Variants in HDAC9 observed in about 807,000 individuals in gnomAD.
HDAC9 encodes MEF-2 interacting transcription repressor (MITR) protein.
HDAC9 carries 41 observed loss-of-function variants against 139.4 expected under a neutral mutation model. The ratio of observed to expected loss-of-function variants is 0.29; its 90% confidence interval spans 0.23 to 0.38. HDAC9 has a LOEUF of 0.38. Among genes scored for constraint, HDAC9 ranks in the 10% least tolerant of loss-of-function variants. The pLI is 1.00. For synonymous variants in HDAC9, 517 were observed against 476.2 expected (o/e 1.09, Z -1.12); for missense variants, 1,147 against 1,297.0 (o/e 0.88, Z 1.78).
chr7:18,495,484 C>T (rs1463871912), upstream of HDAC9, among the ~76,000 whole-genome samples: 1 of 151,902 alleles, frequency 6.6e-6, no homozygotes, highest in East Asian at 1.9e-4. Context: ...AAGCAAGCTT[C>T]GAGAGAGGAA....
At chr7:18,349,515 C>T (rs1782691133) in intron 1 of HDAC9, among the ~76,000 whole-genome samples, 1 of 152,046 alleles carries the variant, frequency 6.6e-6, no homozygotes, top group South Asian at 2.1e-4. Flanking sequence ...TCTGCTTTAT[C>T]CCCACTGCCT....
intron 2 of HDAC9, among the ~76,000 whole-genome samples, chr7:18,538,860 A>G (rs1166999180): frequency 2.0e-5 from 3 of 152,144 alleles, no homozygotes; most frequent in Non-Finnish European, 2.9e-5. Context: ...AAAAAGAAAT[A>G]TATTTCTTAC....
At chr7:18,330,639 T>A (rs1332719552) in intron 1 of HDAC9, among the ~76,000 whole-genome samples, 1 of 151,430 alleles carries the variant, frequency 6.6e-6, no homozygotes, top group Non-Finnish European at 1.5e-5. Context: ...CTCTACTCCC[T>A]CCCTGTTTTC....
At chr7:18,088,820 T>G (rs1781960274) in intron 1 of HDAC9, among the ~76,000 whole-genome samples, 1 of 152,236 alleles carries the variant, frequency 6.6e-6, no homozygotes, top group Admixed American at 6.5e-5. Flanking sequence ...GGAAACCATT[T>G]ATGTTTAAAA....
chr7:18,864,827 G>A (rs991528692), intron 21 of HDAC9, among the ~76,000 whole-genome samples: 12 of 151,280 alleles, frequency 7.9e-5, no homozygotes, highest in African/African-American at 2.0e-4. Context: ...GAGTTGGAAC[G>A]GTGGTGATGG....
intron 1 of HDAC9, among the ~76,000 whole-genome samples, chr7:18,132,266 G>T (rs751230471): frequency 2.0e-5 from 3 of 152,088 alleles, no homozygotes; most frequent in Non-Finnish European, 4.4e-5. Context: ...ACTAACTACA[G>T]AAGTCAAATG....
intron 1 of HDAC9, among the ~76,000 whole-genome samples, chr7:18,346,328 A>T (rs1440851298): frequency 6.6e-6 from 1 of 152,178 alleles, no homozygotes; most frequent in African/African-American, 2.4e-5. Context: ...GTGCTTTGAA[A>T]CAAGGGTCAC....
At chr7:18,149,266 T>C (rs1000548844) in intron 1 of HDAC9, among the ~76,000 whole-genome samples, 6 of 151,672 alleles carry the variant, frequency 4.0e-5, no homozygotes, top group Non-Finnish European at 8.8e-5. Context: ...TACTCGTTTA[T>C]ACATAAGAAA....
At chr7:18,286,122 A>G (rs1040160087), upstream of HDAC9, among the ~76,000 whole-genome samples, 6 of 152,130 alleles carry the variant, frequency 3.9e-5, no homozygotes, top group African/African-American at 1.4e-4. Flanking sequence ...ATTCTGCAGA[A>G]TTGAAATGAA....
chr7:18,656,643 A>G (rs1791289884), intron 11 of HDAC9, among the ~76,000 whole-genome samples: 1 of 152,190 alleles, frequency 6.6e-6, no homozygotes, highest in Non-Finnish European at 1.5e-5. Flanking sequence ...ATGAGAGAAC[A>G]TATCTGAAAA....
chr7:18,608,421 A>G lies in HDAC9; in HGVS notation c.664+14392A>G, dbSNP rs1444250506. Among the ~76,000 whole-genome samples the G allele has an allele frequency of 2.0e-5, 3 of 152,066 alleles. No individual in the cohort carries two copies. The East Asian group carries it at 5.8e-4, about 29-fold the overall frequency. On this transcript the variant is annotated intron_variant, in intron 6 of 25. Coordinates refer to ENST00000686413, the MANE Select transcript of HDAC9 (RefSeq NM_178425.4). ...TTTATGTGTATCAGCCTCCTGTTTT[A>G]TAGATTTATTTGCTTTTTAGCCTCT...
At chr7:18,156,254 T>A (rs1423962609) in intron 1 of HDAC9, among the ~76,000 whole-genome samples, 1 of 152,174 alleles carries the variant, frequency 6.6e-6, no homozygotes, top group Non-Finnish European at 1.5e-5. Flanking sequence ...ATCCTTTCAA[T>A]GAGCTAAGAA....
chr7:18,247,911 C>G (rs1416408949), intron 2 of HDAC9, among the ~76,000 whole-genome samples: 1 of 152,122 alleles, frequency 6.6e-6, no homozygotes, highest in East Asian at 1.9e-4. Context: ...CTGTAAAGGT[C>G]TTATTTATGT....
intron 12 of HDAC9, among the ~76,000 whole-genome samples, chr7:18,674,308 C>T (rs944948242): frequency 6.6e-6 from 1 of 151,964 alleles, no homozygotes; most frequent in Admixed American, 6.6e-5. Context: ...TACCATTTTC[C>T]CATTTTCTGT....
intron 2 of HDAC9, among the ~76,000 whole-genome samples, chr7:18,581,847 T>C (rs1350366667): frequency 1.3e-5 from 2 of 152,220 alleles, no homozygotes; most frequent in African/African-American, 4.8e-5. Context: ...TCTGAACTTG[T>C]CATGATTAAT....
intron 6 of HDAC9, among the ~76,000 whole-genome samples, chr7:18,606,690 A>G (rs560355248): frequency 1.2e-3 from 178 of 152,312 alleles, no homozygotes; most frequent in African/African-American, 4.2e-3. Flanking sequence ...ACTCACTTTT[A>G]AAGTAATATT....
At chr7:18,284,456 C>A (rs966112298) in intron 2 of HDAC9, among the ~76,000 whole-genome samples, 1 of 152,106 alleles carries the variant, frequency 6.6e-6, no homozygotes, top group African/African-American at 2.4e-5. Flanking sequence ...TTTCCATTAT[C>A]TCCTATTTCA....
intron 1 of HDAC9, among the ~76,000 whole-genome samples, chr7:18,306,784 A>T (rs764376154): frequency 6.6e-6 from 1 of 152,154 alleles, no homozygotes; most frequent in Non-Finnish European, 1.5e-5. Context: ...ATATTGCTGA[A>T]TATAAATTCT....
chr7:18,097,791 G>T (rs986739985), intron 1 of HDAC9, among the ~76,000 whole-genome samples: 1 of 151,964 alleles, frequency 6.6e-6, no homozygotes, highest in Non-Finnish European at 1.5e-5. Context: ...TGACCAGGCT[G>T]GTCTTGAACT....
Sources: gnomAD v4.1 joint callset for allele counts (sites outside exome capture counted in the v4.1 genomes callset) on GRCh38, gnomAD v4.1.1 for gene constraint, MANE v1.5 for transcripts, NCBI Gene and HGNC (gene_info 2026-07-23, HGNC 2026-07-21) for gene names.